Variants in COMMD8 observed in about 807,000 individuals in gnomAD.
COMMD8 encodes COMM domain containing 8.
COMMD8 carries 28 observed loss-of-function variants against 27.2 expected under a neutral mutation model. The observed-to-expected ratio is 1.03, with a 90% confidence interval of 0.76 to 1.41. The LOEUF is 1.41. COMMD8 is among the 40% of genes most tolerant of loss of function. The probability of loss-of-function intolerance (pLI) is 0.00; values close to 1 mark genes in which losing one functional copy is unlikely to be tolerated. For synonymous variants in COMMD8, 79 were observed against 75.5 expected (o/e 1.05, Z -0.24); for missense variants, 217 against 211.2 (o/e 1.03, Z -0.17).
intron 3 of COMMD8, among the ~76,000 whole-genome samples, chr4:47,455,262 C>T (rs1021337352): frequency 7.2e-5 from 11 of 152,252 alleles, no homozygotes; most frequent in East Asian, 5.8e-4. Flanking sequence ...GTGATCCACC[C>T]GCCTTGGCTT....
chr4:47,460,330 A>G (rs566434109), intron 1 of COMMD8, 31 bp from the exon 2 acceptor site: 12 of 1,579,696 alleles, frequency 7.6e-6, no homozygotes, highest in Non-Finnish European at 9.5e-6. Flanking sequence ...AAATGTACTT[A>G]TAAGTAAAAT....
At position 47,460,140 on chromosome 4, in the gene COMMD8, T is replaced by A. The variant is rs1160089537; in HGVS notation, c.222+4A>T. The A allele has an allele frequency of 6.2e-7, 1 of 1,611,698 alleles. No homozygotes were observed. The highest frequency in any genetic ancestry group is 8.5e-7 in the Non-Finnish European group (1 of 1,178,868). ...TAAGTTATAGAAATGTGCAGAGAAG[T>A]TACCTCTTCATCAGGTAAGTTTTTA... is the stretch of plus-strand genomic sequence containing the variant. On this transcript the variant is annotated splice_donor_region_variant and intron_variant, in intron 2 of 4. Transcript: ENST00000381571.
chr4:47,460,320 A>C (rs1406599250), intron 1 of COMMD8, 21 bp from the exon 2 acceptor site: 1 of 1,600,222 alleles, frequency 6.2e-7, no homozygotes, highest in Non-Finnish European at 8.5e-7. Flanking sequence ...AAAAGGAAAT[A>C]AATGTACTTA....
intron 1 of COMMD8, among the ~76,000 whole-genome samples, chr4:47,462,849 A>C (rs1730095663): frequency 6.6e-6 from 1 of 152,164 alleles, no homozygotes; most frequent in Non-Finnish European, 1.5e-5. Context: ...GCAGGAGGTA[A>C]GTTCATTCCT....
At chr4:47,453,298 T>C in intron 3 of COMMD8, 84 bp from the exon 4 acceptor site, 1 of 1,139,406 alleles carries the variant, frequency 8.8e-7, no homozygotes, top group Non-Finnish European at 1.2e-6. Context: ...TAGCAGTACA[T>C]TTTTTAAAAG....
chr4:47,454,375 T>A (rs1443419268), intron 3 of COMMD8, among the ~76,000 whole-genome samples: 1 of 152,208 alleles, frequency 6.6e-6, no homozygotes, highest in Non-Finnish European at 1.5e-5. Flanking sequence ...CTAGGTTTAA[T>A]CTTTTCCAGG....
At chr4:47,456,851 T>C (rs1729907860) in intron 2 of COMMD8, 122 bp from the exon 3 acceptor site, 3 of 667,832 alleles carry the variant, frequency 4.5e-6, no homozygotes, top group South Asian at 2.4e-5. Flanking sequence ...TCTGTAACTA[T>C]AAAAAAGAGT....
intron 1 of COMMD8, among the ~76,000 whole-genome samples, chr4:47,462,844 AG>A (rs1057321446): frequency 6.6e-6 from 1 of 152,086 alleles, no homozygotes; most frequent in Non-Finnish European, 1.5e-5. Context: ...CCCTGGCAGG[AG>A]GTAAGTTCAT....
intron 3 of COMMD8, among the ~76,000 whole-genome samples, chr4:47,456,198 G>T (rs921557627): frequency 2.7e-5 from 4 of 149,998 alleles, no homozygotes; most frequent in Non-Finnish European, 5.9e-5. Context: ...AGTAAGCTGA[G>T]ATCGCACCAT....
At chr4:47,460,852 T>C (rs1175778993) in intron 1 of COMMD8, among the ~76,000 whole-genome samples, 1 of 152,192 alleles carries the variant, frequency 6.6e-6, no homozygotes, top group Admixed American at 6.5e-5. Flanking sequence ...AGTACTTTTT[T>C]CCTTTTTTTA....
intron 2 of COMMD8, among the ~76,000 whole-genome samples, chr4:47,457,633 T>C (rs1440210701): frequency 6.6e-6 from 1 of 152,166 alleles, no homozygotes; most frequent in African/African-American, 2.4e-5. Context: ...ATACTGTTTA[T>C]ATTTTTATTA....
chr4:47,453,051 G>A lies in COMMD8; in HGVS notation c.531+8C>T, dbSNP rs1451052077. ...ATTCAAATCATATGACAAAATTATA[G>A]CAAATACCTTATTCGCTGCTTCCAA... On this transcript the variant is annotated splice_region_variant and intron_variant, in intron 4 of 4. Transcript: ENST00000381571. 1 of 1,588,286 alleles carries A rather than the reference G, an allele frequency of 6.3e-7. No individual in the cohort carries two copies. The highest frequency in any genetic ancestry group is 1.8e-5 in the Admixed American group (1 of 54,932).
intron 2 of COMMD8, among the ~76,000 whole-genome samples, chr4:47,459,103 A>T (rs1346668315): frequency 6.6e-6 from 1 of 152,148 alleles, no homozygotes; most frequent in East Asian, 1.9e-4. Context: ...AATATTTCTG[A>T]AACAAAACAT....
chr4:47,460,063 TATTATAC>T, intron 2 of COMMD8, 74 bp downstream of exon 2: 1 of 1,114,434 alleles, frequency 9.0e-7, no homozygotes, highest in Admixed American at 2.1e-5. Context: ...ATAGCCCTTG[TATTATAC>T]ATTGCTCTAA....
intron 1 of COMMD8, among the ~76,000 whole-genome samples, chr4:47,461,677 C>T (rs1730029579): frequency 6.6e-6 from 1 of 152,106 alleles, no homozygotes; most frequent in Non-Finnish European, 1.5e-5. Context: ...ATGGAAATGA[C>T]TTTATTTAAT....
At chr4:47,451,706 G>A (rs965077026) in intron 4 of COMMD8, 41 bp from the exon 5 acceptor site, 2 of 1,464,094 alleles carry the variant, frequency 1.4e-6, no homozygotes, top group African/African-American at 1.5e-5. Context: ...GGTTATACAA[G>A]ACTGATGCTG....
At chr4:47,461,711 C>T (rs1026500876) in intron 1 of COMMD8, among the ~76,000 whole-genome samples, 2 of 152,092 alleles carry the variant, frequency 1.3e-5, no homozygotes, top group Non-Finnish European at 2.9e-5. Flanking sequence ...TAATAGCTAC[C>T]GTTATGGATC....
intron 4 of COMMD8, 140 bp from the exon 5 acceptor site, chr4:47,451,805 A>G (rs1255724504): frequency 6.9e-6 from 4 of 580,864 alleles, no homozygotes; most frequent in Non-Finnish European, 9.0e-6. Context: ...AACTGATGAC[A>G]TATGCCTGCT....
chr4:47,463,537 T>TGTCGCGAATCCCAGGCCCCGCGCC (rs1160968381), intron 1 of COMMD8, 49 bp downstream of exon 1: 1 of 1,512,172 alleles, frequency 6.6e-7, no homozygotes, highest in African/African-American at 1.4e-5. Context: ...CACGCCGGGC[T>TGTCGCGAATCCCAGGCCCCGCGCC]GTCGCGAATC....
Sources: allele counts gnomAD v4.1 joint callset (sites outside exome capture counted in the v4.1 genomes callset), GRCh38; gene constraint gnomAD v4.1.1; transcripts MANE v1.5; gene names NCBI Gene and HGNC (gene_info 2026-07-23, HGNC 2026-07-21).